The following DOCK10 variants were observed in gnomAD, a reference collection of about 807,000 sequenced individuals.
DOCK10 encodes dedicator of cytokinesis 10.
Under a neutral mutation model 280.1 loss-of-function variants are expected in DOCK10, and 145 were observed. The observed-to-expected ratio is 0.52, with a 90% CI of 0.45 to 0.59. The LOEUF (loss-of-function observed/expected upper bound fraction) is 0.59, where lower values mean the gene tolerates loss of function less well. Ranked by LOEUF, DOCK10 falls within the 20% of genes least tolerant of loss-of-function variation. The probability of loss-of-function intolerance (pLI) is 0.00; values close to 1 mark genes in which losing one functional copy is unlikely to be tolerated. For missense variants in DOCK10, 2,368 were observed against 2,651.7 expected (o/e 0.89, Z 2.35); for synonymous variants, 915 against 942.2 (o/e 0.97, Z 0.53).
intron 1 of DOCK10, among the ~76,000 whole-genome samples, chr2:224,950,657 A>C (rs1229096685): frequency 6.6e-6 from 1 of 152,226 alleles, no homozygotes; most frequent in African/African-American, 2.4e-5. Flanking sequence ...TGATTTAGAC[A>C]TGTTGAATGT....
intron 46 of DOCK10, 111 bp from the exon 47 acceptor site, chr2:224,793,183 T>C (rs999445183): frequency 1.3e-5 from 12 of 909,972 alleles, no homozygotes; most frequent in African/African-American, 9.9e-5. Flanking sequence ...AACTAAGAAG[T>C]TGACCATCCA....
chr2:224,789,775 C>T (rs1400352724), intron 47 of DOCK10, among the ~76,000 whole-genome samples: 4 of 131,918 alleles, frequency 3.0e-5, no homozygotes, highest in Non-Finnish European at 6.3e-5. Flanking sequence ...AGACAATGCC[C>T]AATACTTGCT....
chr2:224,768,147 C>T (rs990922313), intron 55 of DOCK10, among the ~76,000 whole-genome samples: 3 of 152,066 alleles, frequency 2.0e-5, no homozygotes, highest in Non-Finnish European at 2.9e-5. Flanking sequence ...ACACTCCTGA[C>T]CTCAGGTGAT....
At chr2:224,922,068 G>A (rs771287771) in intron 2 of DOCK10, among the ~76,000 whole-genome samples, 1 of 146,920 alleles carries the variant, frequency 6.8e-6, no homozygotes, top group East Asian at 2.0e-4. Flanking sequence ...GCGGTGAGTC[G>A]AGATGGCGCC....
Position 224,822,968 on chromosome 2 carries a change from C to T in DOCK10, c.3183+533G>A, listed in dbSNP as rs190220380. Among the ~76,000 whole-genome samples, 3 of 151,456 alleles carry T rather than the reference C, an allele frequency of 2.0e-5. No individual in the cohort carries two copies. The East Asian group carries it at 5.8e-4, about 29-fold the overall frequency. On this transcript the variant is annotated intron_variant, in intron 28 of 55. Coordinates refer to ENST00000258390, the MANE Select transcript of DOCK10 (RefSeq NM_014689.3). ...CACTCAAATGGATACTTTTCTCTAA[C>T]CTTAGTTTTTTTTTTCTTTCTTCCT...
At chr2:224,826,719 T>C (rs188940063) in intron 27 of DOCK10, among the ~76,000 whole-genome samples, 2 of 149,448 alleles carry the variant, frequency 1.3e-5, no homozygotes, top group African/African-American at 2.5e-5. Flanking sequence ...CGAAACCCCA[T>C]CTTTACTAAA....
chr2:224,932,851 T>C (rs1297148136), intron 1 of DOCK10, among the ~76,000 whole-genome samples: 6 of 152,150 alleles, frequency 3.9e-5, no homozygotes, highest in Non-Finnish European at 8.8e-5. Flanking sequence ...TTTTAATAAA[T>C]GCTAATGGGC....
rs769870341 is a variant in DOCK10 at position 224,841,936 on chromosome 2, G to A, written c.2569-40C>T. On this transcript the variant is annotated intron_variant, in intron 22 of 55. Transcript: ENST00000258390. ...AAAAAGTATTTATTTCTGATGACAC[G>A]TAAACCGTGTTACAAACACAAACCA... The A allele has an allele frequency of 1.5e-5, 21 of 1,433,892 alleles. 1 individual carries two copies. The South Asian group carries it at 1.9e-4, about 13-fold the overall frequency. 88.8% of individuals were successfully genotyped at this position (1,433,892 alleles called of 1,614,324 possible). A position where few individuals can be genotyped will look rare whatever the true frequency, so the allele number is the denominator to read the frequency against.
At chr2:224,868,137 G>T (rs1432896840) in intron 11 of DOCK10, among the ~76,000 whole-genome samples, 1 of 152,088 alleles carries the variant, frequency 6.6e-6, no homozygotes, top group Non-Finnish European at 1.5e-5. Context: ...ATGGAGATGG[G>T]AGTAGGGAAA....
At chr2:225,023,726 A>G (rs1488544890) in intron 1 of DOCK10, among the ~76,000 whole-genome samples, 1 of 152,238 alleles carries the variant, frequency 6.6e-6, no homozygotes, top group East Asian at 1.9e-4. Flanking sequence ...GGCTGTTCTC[A>G]GAAGCATCAT....
intron 1 of DOCK10, among the ~76,000 whole-genome samples, chr2:225,035,679 T>G (rs1690241306): frequency 6.8e-6 from 1 of 147,856 alleles, no homozygotes; most frequent in Non-Finnish European, 1.5e-5. Flanking sequence ...GTTGTATTAG[T>G]CAGTGCGGGC....
At chr2:224,861,274 G>C (rs1265831064) in intron 14 of DOCK10, 1 of 152,132 alleles carries the variant, frequency 6.6e-6, no homozygotes, top group Non-Finnish European at 1.5e-5. Context: ...TCTATTTTAC[G>C]CCAAATGCTT....
chr2:224,973,253 A>G (rs768993113), intron 1 of DOCK10, among the ~76,000 whole-genome samples: 1 of 152,174 alleles, frequency 6.6e-6, no homozygotes, highest in South Asian at 2.1e-4. Context: ...ACAGCCCCTT[A>G]ACAACGTACA....
chr2:224,801,707 A>G (rs1693026478), intron 40 of DOCK10, among the ~76,000 whole-genome samples: 1 of 152,144 alleles, frequency 6.6e-6, no homozygotes, highest in East Asian at 1.9e-4. Flanking sequence ...TATGCTAAAC[A>G]TATGATATTG....
At chr2:224,847,917 G>A (rs1559551125) in intron 19 of DOCK10, among the ~76,000 whole-genome samples, 1 of 152,228 alleles carries the variant, frequency 6.6e-6, no homozygotes, top group East Asian at 1.9e-4. Flanking sequence ...CTTAGCAGAT[G>A]TGATTAAGTT....
At chr2:224,924,944 T>C (rs1391238594) in intron 2 of DOCK10, among the ~76,000 whole-genome samples, 1 of 152,218 alleles carries the variant, frequency 6.6e-6, no homozygotes, top group Non-Finnish European at 1.5e-5. Context: ...TCCTTCCAGT[T>C]GCTCTATTTC....
intron 27 of DOCK10, among the ~76,000 whole-genome samples, chr2:224,826,232 T>A (rs1412396947): frequency 3.3e-5 from 5 of 152,038 alleles, no homozygotes; most frequent in African/African-American, 1.2e-4. Flanking sequence ...TCCAGCTAAC[T>A]TTTGTATTTT....
rs193290602 is a variant in DOCK10 at position 224,794,013 on chromosome 2, C to T, written c.5155-556G>A. On this transcript the variant is annotated intron_variant, in intron 45 of 55. Coordinates refer to ENST00000258390, the MANE Select transcript of DOCK10 (RefSeq NM_014689.3). ...AATCTGTCTCTTATGAAGCCCTGAA[C>T]GTTGCTGAACACATATTAAAACTCG... is the stretch of plus-strand genomic sequence containing the variant. 2.6e-3 allele frequency among the ~76,000 whole-genome samples: 390 copies of T among 152,302 alleles called. 1 individual carries two copies. The highest frequency in any genetic ancestry group is 5.9e-3 in the Admixed American group (90 of 15,300).
intron 1 of DOCK10, among the ~76,000 whole-genome samples, chr2:225,005,496 T>C (rs1706540869): frequency 6.6e-6 from 1 of 152,274 alleles, no homozygotes; most frequent in South Asian, 2.1e-4. Context: ...TGTTAGTATA[T>C]ACTTAACAAA....
Sources: allele counts gnomAD v4.1 joint callset (sites outside exome capture counted in the v4.1 genomes callset), GRCh38; gene constraint gnomAD v4.1.1; transcripts MANE v1.5; gene names NCBI Gene and HGNC (gene_info 2026-07-23, HGNC 2026-07-21).